RNF220: variants seen among roughly 807,000 people sequenced by gnomAD.
The protein encoded by RNF220 is ring finger protein 220.
A neutral mutation model predicts 67.1 loss-of-function variants in RNF220; 7 were observed. That is an observed-to-expected ratio of 0.10 (90% CI 0.06 to 0.20). RNF220 has a LOEUF of 0.20. Ranked by LOEUF, RNF220 falls within the 10% of genes least tolerant of loss-of-function variation. RNF220 has a pLI of 1.00. For missense variants in RNF220, 565 were observed against 740.3 expected (o/e 0.76, Z 2.75); for synonymous variants, 270 against 283.2 (o/e 0.95, Z 0.47).
intron 2 of RNF220, 59 bp from the exon 3 acceptor site, chr1:44,614,106 G>A (rs1258687554): frequency 1.9e-6 from 3 of 1,603,608 alleles, no homozygotes; most frequent in Non-Finnish European, 1.7e-6. Flanking sequence ...CTGGGATGCT[G>A]GGTCTGCCTC....
chr1:44,438,444 CAA>C (rs1651203065), intron 2 of RNF220, among the ~76,000 whole-genome samples: 1 of 152,116 alleles, frequency 6.6e-6, no homozygotes, highest in Admixed American at 6.5e-5. Context: ...TTTACTTTGT[CAA>C]AATAATGTTT....
intron 2 of RNF220, among the ~76,000 whole-genome samples, chr1:44,493,594 G>A (rs1657056126): frequency 6.6e-6 from 1 of 152,108 alleles, no homozygotes; most frequent in Non-Finnish European, 1.5e-5. Flanking sequence ...ATCTCATTAT[G>A]TATATATAAA....
intron 2 of RNF220, among the ~76,000 whole-genome samples, chr1:44,486,704 G>A (rs967806100): frequency 1.3e-5 from 2 of 152,134 alleles, no homozygotes; most frequent in African/African-American, 4.8e-5. Context: ...GCCCACTTGG[G>A]AAGCCATGGA....
At chr1:44,429,111 T>C (rs1003590427) in intron 2 of RNF220, among the ~76,000 whole-genome samples, 2 of 152,022 alleles carry the variant, frequency 1.3e-5, no homozygotes, top group African/African-American at 4.8e-5. Context: ...GTCTGCCACT[T>C]GTGGATTTTT....
chr1:44,422,012 AC>A (rs1251283419), intron 2 of RNF220, among the ~76,000 whole-genome samples: 1 of 152,156 alleles, frequency 6.6e-6, no homozygotes, highest in Non-Finnish European at 1.5e-5. Context: ...GGTTCAGCTC[AC>A]CTTTGGAAGT....
rs555835191 is a variant in RNF220 at position 44,567,363 on chromosome 1, A to G, written c.626-46802A>G. Among the ~76,000 whole-genome samples the G allele has an allele frequency of 2.2e-3, 331 of 152,186 alleles. 2 individuals carry two copies. Among genetic ancestry groups the G allele is most frequent in the Admixed American group, 3.7e-3 (56 of 15,284 alleles). On this transcript the variant is annotated intron_variant, in intron 2 of 14. Transcript: ENST00000361799. ...GTGATGAGATTCCCAGCTGTGTATG[A>G]TCCTGGGACAGGGACAAGAGTTGGC...
At chr1:44,546,553 G>C (rs1662169082) in intron 2 of RNF220, among the ~76,000 whole-genome samples, 1 of 152,156 alleles carries the variant, frequency 6.6e-6, no homozygotes, top group African/African-American at 2.4e-5. Context: ...GGGATTTATT[G>C]AATTTTCCAT....
intron 2 of RNF220, among the ~76,000 whole-genome samples, chr1:44,491,456 A>G (rs1656845523): frequency 6.6e-6 from 1 of 152,194 alleles, no homozygotes; most frequent in Non-Finnish European, 1.5e-5. Context: ...AAATAAATCA[A>G]TGTAATATAC....
Position 44,650,252 on chromosome 1 carries a change from A to C in RNF220, c.1629+295A>C, listed in dbSNP as rs1557483782. The stretch of plus-strand genomic sequence containing the variant: ...ACTGGTGAGGCCTGGGGTCAGGAGG[A>C]GGCTGGCTGTAGGTAAACAGGACCA... On this transcript the variant is annotated intron_variant, in intron 14 of 14. Coordinates refer to ENST00000361799, the MANE Select transcript of RNF220 (RefSeq NM_018150.4). The surrounding 1 kb of genome is among the most constrained non-coding windows in gnomAD (Gnocchi z 4.3). 2 of 531,608 alleles carry C rather than the reference A, an allele frequency of 3.8e-6. No individual in the cohort carries two copies. Among genetic ancestry groups the C allele is most frequent in the East Asian group, 3.2e-5 (1 of 30,986 alleles). The allele number at this position is 531,608 out of a possible 1,614,324, so 32.9% of individuals were successfully genotyped here.
At chr1:44,597,987 G>A (rs1030675036) in intron 2 of RNF220, among the ~76,000 whole-genome samples, 4 of 140,806 alleles carry the variant, frequency 2.8e-5, no homozygotes, top group Non-Finnish European at 3.0e-5. Context: ...TCTCTCTCTC[G>A]TTCTCTCTCG....
At chr1:44,462,481 A>G (rs1230195681) in intron 2 of RNF220, among the ~76,000 whole-genome samples, 4 of 152,364 alleles carry the variant, frequency 2.6e-5, no homozygotes, top group East Asian at 1.9e-4. Flanking sequence ...TTGAAAGGCC[A>G]TGAAATCTTA....
At chr1:44,524,123 G>C (rs1001271615) in intron 2 of RNF220, among the ~76,000 whole-genome samples, 4 of 149,934 alleles carry the variant, frequency 2.7e-5, no homozygotes, top group Non-Finnish European at 5.9e-5. Context: ...CTGGAGGGGG[G>C]CAAAGGGAGG....
rs1650598157 is a variant in RNF220, at chr1:44,433,200, G to A, written c.625+20478G>A. Among the ~76,000 whole-genome samples the A allele has an allele frequency of 2.0e-5, 3 of 152,160 alleles. No homozygotes were observed. In the South Asian group the frequency reaches 6.2e-4, roughly 32 times the overall value. ...CTGCTTCAGCCTCCCAAAGTGCTGG[G>A]ATTACAGGTGTGAGCCACCATGCCT... On this transcript the variant is annotated intron_variant, in intron 2 of 14. Transcript: ENST00000361799.
At chr1:44,464,750 C>T (rs1229927329) in intron 2 of RNF220, among the ~76,000 whole-genome samples, 2 of 152,238 alleles carry the variant, frequency 1.3e-5, no homozygotes, top group African/African-American at 2.4e-5. Context: ...TACTGACTGC[C>T]TCATTCCATC....
At chr1:44,534,430 C>T (rs1363304885) in intron 2 of RNF220, among the ~76,000 whole-genome samples, 1 of 152,074 alleles carries the variant, frequency 6.6e-6, no homozygotes, top group Non-Finnish European at 1.5e-5. Context: ...CCCGTTAACT[C>T]GTCATTTAGC....
chr1:44,482,188 C>T (rs1655879968), intron 2 of RNF220, among the ~76,000 whole-genome samples: 1 of 152,206 alleles, frequency 6.6e-6, no homozygotes, highest in African/African-American at 2.4e-5. Context: ...AAACCCCATC[C>T]ATCTGACCAT....
At chr1:44,588,928 A>G (rs975262722) in intron 2 of RNF220, among the ~76,000 whole-genome samples, 5 of 151,718 alleles carry the variant, frequency 3.3e-5, no homozygotes, top group Admixed American at 6.6e-5. Flanking sequence ...TTCTCCACCA[A>G]CCCTCACCCT....
At chr1:44,626,456 G>A (rs1037235032) in intron 5 of RNF220, 58 bp downstream of exon 5, 2 of 1,352,864 alleles carry the variant, frequency 1.5e-6, no homozygotes, top group African/African-American at 2.9e-5. Context: ...AGGGCTTCAA[G>A]AGCCTGCCCG....
chr1:44,408,147 CTCT>C (rs1241136825), intron 1 of RNF220, among the ~76,000 whole-genome samples: 1 of 152,156 alleles, frequency 6.6e-6, no homozygotes, highest in Non-Finnish European at 1.5e-5. Context: ...TCGCCTTCAC[CTCT>C]TCTTCCCCCG....
Sources: allele counts gnomAD v4.1 joint callset (sites outside exome capture counted in the v4.1 genomes callset), GRCh38; gene constraint gnomAD v4.1.1; non-coding constraint Gnocchi (gnomAD v3.1); transcripts MANE v1.5; gene names NCBI Gene and HGNC (gene_info 2026-07-23, HGNC 2026-07-21).